PCDHGA1: variants seen among roughly 807,000 people sequenced by gnomAD.
PCDHGA1 encodes protocadherin gamma-A1.
In PCDHGA1, 32 loss-of-function variants were observed where a neutral mutation model predicts 58.0. The observed-to-expected ratio is 0.55, with a 90% CI of 0.42 to 0.74. The LOEUF (loss-of-function observed/expected upper bound fraction) is 0.74. Among genes scored for constraint, PCDHGA1 ranks in the 30% least tolerant of loss-of-function variants. The pLI, the probability that PCDHGA1 is intolerant of heterozygous loss-of-function variation, is 0.00. For missense variants in PCDHGA1, 1,205 were observed against 1,182.3 expected (o/e 1.02, Z -0.28); for synonymous variants, 498 against 501.1 (o/e 0.99, Z 0.08).
chr5:141,374,837 C>T (rs1240795815), intron 1 of PCDHGA1: 1 of 1,613,766 alleles, frequency 6.2e-7, no homozygotes, highest in Non-Finnish European at 8.5e-7. Flanking sequence ...TGTAAGTGTT[C>T]CTGAAAACCT....
At chr5:141,356,417 C>T in intron 1 of PCDHGA1, 1 of 1,603,636 alleles carries the variant, frequency 6.2e-7, no homozygotes, top group South Asian at 1.1e-5. Context: ...CGGTTGTTGA[C>T]ACACAGAACA....
intron 1 of PCDHGA1, among the ~76,000 whole-genome samples, chr5:141,433,999 A>G (rs1471657184): frequency 6.6e-6 from 1 of 152,070 alleles, no homozygotes; most frequent in Admixed American, 6.6e-5. Context: ...TATATTCTCT[A>G]TATATGTTTG....
At chr5:141,357,586 G>T (rs745537699) in intron 1 of PCDHGA1, 3 of 1,614,126 alleles carry the variant, frequency 1.9e-6, no homozygotes, top group East Asian at 4.5e-5. Flanking sequence ...GATAACTCAG[G>T]ATTTACTTGA....
chr5:141,370,281 A>G lies in PCDHGA1; in HGVS notation c.2421+37176A>G, dbSNP rs184302654. The G allele has an allele frequency of 3.3e-5, 30 of 916,904 alleles. No individual in the cohort carries two copies. In the Admixed American group the frequency reaches 8.3e-4, roughly 25 times the overall value. 56.8% of individuals were successfully genotyped at this position (916,904 alleles called of 1,614,324 possible). On this transcript the variant is annotated intron_variant, in intron 1 of 3. Coordinates refer to ENST00000517417, the MANE Select transcript of PCDHGA1 (RefSeq NM_018912.3). ...GCTTCCTGCAGCGGAGACACCCATTAGAGAACCCAAGCACAAAGACAAAGC... is the reference window on the plus strand; with the variant it reads ...GCTTCCTGCAGCGGAGACACCCATTGGAGAACCCAAGCACAAAGACAAAGC...
intron 1 of PCDHGA1, among the ~76,000 whole-genome samples, chr5:141,434,248 G>A (rs1347428778): frequency 2.0e-5 from 3 of 152,188 alleles, no homozygotes; most frequent in Non-Finnish European, 2.9e-5. Flanking sequence ...GATGACTTGG[G>A]CATTGTGGGG....
chr5:141,423,501 C>G, intron 1 of PCDHGA1: 1 of 1,613,990 alleles, frequency 6.2e-7, no homozygotes, highest in African/African-American at 1.3e-5. Flanking sequence ...CCCACGAGGT[C>G]TCTCTCATTG....
In PCDHGA1 at chr5:141,364,194, C is replaced by T. The variant is rs189249749; in HGVS notation, c.2421+31089C>T. The T allele has an allele frequency of 6.4e-5, 68 of 1,068,708 alleles. No homozygotes were observed. The Admixed American group carries it at 2.2e-3, about 35-fold the overall frequency. The allele number at this position is 1,068,708 out of a possible 1,614,324, so 66.2% of individuals were successfully genotyped here. A position where few individuals can be genotyped will look rare whatever the true frequency, so the allele number is the denominator to read the frequency against. On this transcript the variant is annotated intron_variant, in intron 1 of 3. Transcript: ENST00000517417. ...CTCTGCTCCCTCCATACTAAACACA[C>T]AGACCAGACAAGCTCCTACGAAAAG...
chr5:141,341,339 T>G, intron 1 of PCDHGA1: 1 of 1,614,230 alleles, frequency 6.2e-7, no homozygotes, highest in Non-Finnish European at 8.5e-7. Flanking sequence ...GAAAAAGGAT[T>G]TTTTATCAGC....
At chr5:141,389,032 A>C in intron 1 of PCDHGA1, 1 of 1,613,974 alleles carries the variant, frequency 6.2e-7, no homozygotes, top group Non-Finnish European at 8.5e-7. Flanking sequence ...GTGACTTGTA[A>C]ATTGGAAGGT....
chr5:141,380,470 G>A (rs755352560), intron 1 of PCDHGA1, among the ~76,000 whole-genome samples: 27 of 152,140 alleles, frequency 1.8e-4, no homozygotes, highest in Non-Finnish European at 3.4e-4. Flanking sequence ...AAATGGTCAG[G>A]ATTCTTCCCA....
chr5:141,332,915 A>G lies in PCDHGA1; in HGVS notation c.2231A>G (p.Asp744Gly), dbSNP rs1353810961. The G allele has an allele frequency of 1.2e-6, 2 of 1,614,032 alleles. No homozygotes were observed. Among genetic ancestry groups the G allele is most frequent in the Non-Finnish European group, 8.5e-7 (1 of 1,180,042 alleles). The change falls in exon 1 of 4, where the codon GAC becomes GGC. Residue 744 changes from aspartate to glycine, a missense_variant. Asp to Gly is a moderately conservative substitution (Grantham distance 94). Coordinates refer to ENST00000517417, the MANE Select transcript of PCDHGA1 (RefSeq NM_018912.3). This position sits in a 1 kb window ranked among gnomAD's most constrained non-coding sequence, Gnocchi z 4.6. ...CCCGGTTCGCACTTTGTGGGCGTGGACGGGGTTCGGGCTTTCCTGCAGACC... is the reference window on the plus strand; with the variant it reads ...CCCGGTTCGCACTTTGTGGGCGTGGGCGGGGTTCGGGCTTTCCTGCAGACC... ...SMPGSHFVGV[D>G]GVRAFLQTYS...
chr5:141,434,870 C>G (rs1263324193), intron 1 of PCDHGA1, among the ~76,000 whole-genome samples: 3 of 151,726 alleles, frequency 2.0e-5, no homozygotes, highest in Non-Finnish European at 1.5e-5. Flanking sequence ...ATATATGTGA[C>G]AGATACCAAC....
chr5:141,409,850 G>A lies in PCDHGA1; in HGVS notation c.2421+76745G>A. ...GCTCAGCGCCAACGTGAGCCTGCGC[G>A]TGTTGGTGGGAGACCGCAATGACAA... On this transcript the variant is annotated intron_variant, in intron 1 of 3. Transcript: ENST00000517417. 6.2e-7 allele frequency: 1 copy of A among 1,612,142 alleles called. No individual in the cohort carries two copies. Among genetic ancestry groups the A allele is most frequent in the African/African-American group, 1.3e-5 (1 of 75,014 alleles).
chr5:141,384,090 A>C (rs765649529), intron 1 of PCDHGA1: 1 of 1,596,410 alleles, frequency 6.3e-7, no homozygotes, highest in South Asian at 1.1e-5. Context: ...TAGAAAAATC[A>C]ATAGATAATT....
At position 141,431,851 on chromosome 5, in the gene PCDHGA1, A is replaced by G. The variant is rs2097423722; in HGVS notation, c.2422-62956A>G. 1 of 1,614,264 alleles carries G rather than the reference A, an allele frequency of 6.2e-7. No individual in the cohort carries two copies. The highest frequency in any genetic ancestry group is 1.1e-5 in the South Asian group (1 of 91,088). ...TTCCCGAAAACTCTCCCAGAGGGAC[A>G]TTAATTGCCCTTTTAAATGTAAATG... On this transcript the variant is annotated intron_variant, in intron 1 of 3. Coordinates refer to ENST00000517417, the MANE Select transcript of PCDHGA1 (RefSeq NM_018912.3). This position sits in a 1 kb window ranked among gnomAD's most constrained non-coding sequence, Gnocchi z 4.8.
At chr5:141,339,984 TG>T (rs1561481134) in intron 1 of PCDHGA1, 1 of 1,614,206 alleles carries the variant, frequency 6.2e-7, no homozygotes, top group Admixed American at 1.7e-5. Context: ...GTCACGGTTC[TG>T]GATGTGAATG....
chr5:141,331,873 T>G lies in PCDHGA1; in HGVS notation c.1189T>G (p.Leu397Val), dbSNP rs1158201965. 2.5e-6 allele frequency: 4 copies of G among 1,614,042 alleles called. No homozygotes were observed. The Admixed American group carries it at 5.0e-5, about 20-fold the overall frequency. ...PGNLPFKLEK[L>V]VDNYYRLVTE... ...AAATTTACCCTTTAAATTGGAAAAG[T>G]TAGTTGATAATTATTACCGTTTAGT... is the stretch of plus-strand genomic sequence containing the variant. The change falls in exon 1 of 4, where the codon TTA becomes GTA. Residue 397 changes from leucine to valine, a missense_variant. Leu to Val is a conservative substitution (Grantham distance 32). Transcript: ENST00000517417.
intron 1 of PCDHGA1, among the ~76,000 whole-genome samples, chr5:141,438,633 T>C (rs1222106413): frequency 2.9e-5 from 1 of 34,046 alleles, no homozygotes; most frequent in Non-Finnish European, 5.1e-5. Context: ...TATATATATA[T>C]ATACACACAC....
Position 141,376,087 on chromosome 5 carries a change from C to G in PCDHGA1, c.2421+42982C>G, listed in dbSNP as rs1772268954. On this transcript the variant is annotated intron_variant, in intron 1 of 3. Coordinates refer to ENST00000517417, the MANE Select transcript of PCDHGA1 (RefSeq NM_018912.3). The stretch of plus-strand genomic sequence containing the variant: ...TCACCGTGGCCGTGGCCGACAGGAT[C>G]CCCGACATCCTGGCCGACCTGGGCA... 1 of 1,613,538 alleles carries G rather than the reference C, an allele frequency of 6.2e-7. No individual in the cohort carries two copies. The highest frequency in any genetic ancestry group is 8.5e-7 in the Non-Finnish European group (1 of 1,179,934).
Sources: gnomAD v4.1 joint callset for allele counts (sites outside exome capture counted in the v4.1 genomes callset) on GRCh38, gnomAD v4.1.1 for gene constraint, Gnocchi (gnomAD v3.1) non-coding constraint, MANE v1.5 for transcripts, NCBI Gene and HGNC (gene_info 2026-07-23, HGNC 2026-07-21) for gene names.